Variants in MYOM2 observed in about 807,000 individuals in gnomAD.
The protein encoded by MYOM2 is myomesin 2.
Under a neutral mutation model 187.6 loss-of-function variants are expected in MYOM2, and 254 were observed. The observed-to-expected ratio is 1.35, with a 90% CI of 1.22 to 1.50. The LOEUF (loss-of-function observed/expected upper bound fraction) is 1.50, where lower values mean the gene tolerates loss of function less well. Ranked by LOEUF, MYOM2 falls within the 40% of genes most tolerant of loss-of-function variation. The pLI is 0.00. For synonymous variants in MYOM2, 981 were observed against 753.8 expected (o/e 1.30, Z -4.94); for missense variants, 2,796 against 1,924.0 (o/e 1.45, Z -8.48).
intron 32 of MYOM2, among the ~76,000 whole-genome samples, chr8:2,134,831 C>G (rs1023571558): frequency 6.6e-5 from 10 of 152,114 alleles, no homozygotes; most frequent in Non-Finnish European, 1.5e-4. Flanking sequence ...GTAAAACATT[C>G]CCAACTCATC....
intron 6 of MYOM2, among the ~76,000 whole-genome samples, chr8:2,068,476 T>G (rs1322938922): frequency 6.2e-3 from 502 of 80,576 alleles, no homozygotes; most frequent in Middle Eastern, 0.024. Context: ...GAGCATCCCG[T>G]GGGCAGCTCT....
chr8:2,108,696 C>G, intron 23 of MYOM2, 90 bp from the exon 24 acceptor site: 4 of 1,249,754 alleles, frequency 3.2e-6, no homozygotes, highest in Non-Finnish European at 4.7e-6. Context: ...CTGGGGGTTT[C>G]CAATCTTGCT....
chr8:2,092,540 C>T lies in MYOM2; in HGVS notation c.2003+20C>T, dbSNP rs776114547. On this transcript the variant is annotated intron_variant, in intron 16 of 36. Coordinates refer to ENST00000262113, the MANE Select transcript of MYOM2 (RefSeq NM_003970.4). ...CAACAGGTGCGGCCTCCCTCCCCAGCCCTGGAGTCAGCCTTGCAGGAGTAG... is the reference window on the plus strand; with the variant it reads ...CAACAGGTGCGGCCTCCCTCCCCAGTCCTGGAGTCAGCCTTGCAGGAGTAG... 8.7e-6 allele frequency: 14 copies of T among 1,611,634 alleles called. No homozygotes were observed. The highest frequency in any genetic ancestry group is 1.2e-5 in the Non-Finnish European group (14 of 1,178,810).
At chr8:2,049,401 C>T (rs559239543) in intron 1 of MYOM2, among the ~76,000 whole-genome samples, 1 of 152,290 alleles carries the variant, frequency 6.6e-6, no homozygotes, top group African/African-American at 2.4e-5. Context: ...CCAAGTTCTA[C>T]AATACTGTGA....
At chr8:2,135,070 C>G (rs73657751) in intron 32 of MYOM2, among the ~76,000 whole-genome samples, 19,784 of 152,088 alleles carry the variant, frequency 0.13, 2,185 homozygotes, top group African/African-American at 0.28. Context: ...AACTCCACAG[C>G]CTTCATTCAA....
At chr8:2,100,318 T>C (rs923862135) in intron 19 of MYOM2, 3 of 152,342 alleles carry the variant, frequency 2.0e-5, no homozygotes, top group Non-Finnish European at 4.4e-5. Context: ...TGAGGGTTGA[T>C]AGGAGATGGC....
At chr8:2,072,732 T>TA (rs1168569004) in intron 9 of MYOM2, among the ~76,000 whole-genome samples, 1 of 152,198 alleles carries the variant, frequency 6.6e-6, no homozygotes, top group African/African-American at 2.4e-5. Context: ...AGCAGCCACT[T>TA]AGAGACTGAG....
chr8:2,057,286 T>A, intron 3 of MYOM2, 62 bp from the exon 4 acceptor site: 1 of 1,546,338 alleles, frequency 6.5e-7, no homozygotes, highest in South Asian at 1.2e-5. Context: ...TTTCCGGCCT[T>A]CGGGGGCCAC....
At chr8:2,051,343 T>C (rs1818478605) in intron 2 of MYOM2, among the ~76,000 whole-genome samples, 1 of 152,026 alleles carries the variant, frequency 6.6e-6, no homozygotes, top group Admixed American at 6.5e-5. Context: ...CCTCTGGGGC[T>C]GGTGTGCACC....
chr8:2,096,286 G>T lies in MYOM2; in HGVS notation c.2165G>T (p.Cys722Phe). ...CCTTATGGGATTACGCTCCTCAACT[G>T]TGACGGCCACTCCATGACCCTCGGC... Reference protein sequence around the residue: ...SHPYGITLLNCDGHSMTLGWK... With the variant: ...SHPYGITLLNFDGHSMTLGWK... The change falls in exon 18 of 37, where the codon TGT becomes TTT. Residue 722 changes from cysteine (C) to phenylalanine (F), a missense_variant. Transcript: ENST00000262113. The T allele has an allele frequency of 6.2e-7, 1 of 1,614,154 alleles. No homozygotes were observed. The highest frequency in any genetic ancestry group is 2.2e-5 in the East Asian group (1 of 44,858).
Position 2,050,488 on chromosome 8 carries a change from G to A in MYOM2, c.-12-267G>A, listed in dbSNP as rs1818446274. On this transcript the variant is annotated intron_variant, in intron 1 of 36. Transcript: ENST00000262113. The stretch of plus-strand genomic sequence containing the variant: ...CACACCAGGGGTTCTAGGAATACTT[G>A]TTGAGTTCACAATGAAATGAAACAG... Among the ~76,000 whole-genome samples the A allele has an allele frequency of 2.0e-5, 3 of 152,328 alleles. No individual in the cohort carries two copies. In the South Asian group the frequency reaches 6.2e-4, roughly 32 times the overall value.
At chr8:2,080,925 G>C (rs1366341446) in intron 13 of MYOM2, among the ~76,000 whole-genome samples, 2 of 147,362 alleles carry the variant, frequency 1.4e-5, no homozygotes, top group Non-Finnish European at 3.0e-5. Flanking sequence ...TGGCCTGCGG[G>C]AGGAACAGGC....
intron 31 of MYOM2, 21 bp from the exon 32 acceptor site, chr8:2,129,106 A>G: frequency 6.4e-7 from 1 of 1,567,656 alleles, no homozygotes; most frequent in Non-Finnish European, 8.8e-7. Flanking sequence ...CCTAGATCTG[A>G]GGATGTTTTA....
chr8:2,071,159 AT>A (rs529591138), intron 8 of MYOM2, among the ~76,000 whole-genome samples: 32 of 146,898 alleles, frequency 2.2e-4, no homozygotes, highest in African/African-American at 6.5e-4. Flanking sequence ...TTTTATTTTT[AT>A]TTTTTTTTGC....
chr8:2,048,996 T>A (rs914400943), intron 1 of MYOM2, among the ~76,000 whole-genome samples: 1 of 152,112 alleles, frequency 6.6e-6, no homozygotes, highest in Non-Finnish European at 1.5e-5. Flanking sequence ...TTTCACCATC[T>A]TAGCCAGGGT....
Position 2,122,884 on chromosome 8 carries a change from C to A in MYOM2, c.3454-368C>A, listed in dbSNP as rs115948463. ...CAGCTGCCAACCAGCTTTACAGACC[C>A]CTCAGAATATTCTCTATTATTCAGA... is the stretch of plus-strand genomic sequence containing the variant. On this transcript the variant is annotated intron_variant, in intron 28 of 36. Coordinates refer to ENST00000262113, the MANE Select transcript of MYOM2 (RefSeq NM_003970.4). Among the ~76,000 whole-genome samples the A allele has an allele frequency of 3.3e-5, 5 of 152,118 alleles. No individual in the cohort carries two copies. The East Asian group carries it at 9.6e-4, about 29-fold the overall frequency.
chr8:2,107,292 C>T (rs748470723), intron 23 of MYOM2, among the ~76,000 whole-genome samples: 3 of 152,066 alleles, frequency 2.0e-5, no homozygotes, highest in Non-Finnish European at 4.4e-5. Context: ...AGCGTGAACT[C>T]GTAGGGCTGG....
rs143200815 is a variant in MYOM2 at position 2,069,453 on chromosome 8, G to T, written c.749G>T (p.Arg250Leu). The change falls in exon 8 of 37, where the codon CGG becomes CTG. Residue 250 changes from arginine to leucine, a missense_variant. Arg to Leu is a moderately radical substitution (Grantham distance 102). Coordinates refer to ENST00000262113, the MANE Select transcript of MYOM2 (RefSeq NM_003970.4). ...TNAAVVVRRF[R>L]GDEEPFRSVG... Reference sequence around the variant, plus strand: ...TCACTTTGCTGTCTTGCAGGGTTCCGGGGAGACGAGGAACCATTCCGTTCG... The same window carrying T: ...TCACTTTGCTGTCTTGCAGGGTTCCTGGGAGACGAGGAACCATTCCGTTCG... 8.7e-6 allele frequency: 14 copies of T among 1,614,062 alleles called. No homozygotes were observed. Among genetic ancestry groups the T allele is most frequent in the South Asian group, 1.1e-5 (1 of 91,080 alleles).
Position 2,145,043 on chromosome 8 carries a change from T to A in MYOM2, c.*62T>A. ...TGGCAGAGACAGGAATGCTGTGTGC[T>A]TGTTCCAAATGAGCAGCTGGCATCC... On this transcript the variant is annotated 3_prime_UTR_variant, in exon 37 of 37. Coordinates refer to ENST00000262113, the MANE Select transcript of MYOM2 (RefSeq NM_003970.4). The A allele has an allele frequency of 6.4e-7, 1 of 1,565,200 alleles. No individual in the cohort carries two copies. The highest frequency in any genetic ancestry group is 8.7e-7 in the Non-Finnish European group (1 of 1,150,192).
Sources: gnomAD v4.1 joint callset for allele counts (sites outside exome capture counted in the v4.1 genomes callset) on GRCh38, gnomAD v4.1.1 for gene constraint, MANE v1.5 for transcripts, NCBI Gene and HGNC (gene_info 2026-07-23, HGNC 2026-07-21) for gene names.